NDUFAF2: variants seen among roughly 807,000 people sequenced by gnomAD.
NDUFAF2 encodes NADH dehydrogenase [ubiquinone] 1 alpha subcomplex assembly factor 2.
In NDUFAF2, 13 loss-of-function variants were observed where a neutral mutation model predicts 22.8. That is an observed-to-expected ratio of 0.57 (90% confidence interval 0.37 to 0.91). NDUFAF2 has a LOEUF of 0.91. Among genes scored for constraint, NDUFAF2 ranks in the 40% least tolerant of loss-of-function variants. The pLI, the probability that NDUFAF2 is intolerant of heterozygous loss-of-function variation, is 0.01. For missense variants in NDUFAF2, 162 were observed against 195.2 expected, an observed-to-expected ratio of 0.83 and a Z score of 1.01; for synonymous variants, 53 against 64.2, an observed-to-expected ratio of 0.83 and a Z score of 0.84.
chr5:61,121,534 T>G (rs947204786), intron 3 of NDUFAF2, among the ~76,000 whole-genome samples: 1 of 152,206 alleles, frequency 6.6e-6, no homozygotes, highest in African/African-American at 2.4e-5. Flanking sequence ...ATGTTTTGTT[T>G]GTGAAGTTGT....
At chr5:61,145,171 A>G (rs1404942498) in intron 3 of NDUFAF2, among the ~76,000 whole-genome samples, 1 of 152,226 alleles carries the variant, frequency 6.6e-6, no homozygotes. Context: ...ATTGAATGCA[A>G]CAATAATACA....
At chr5:61,139,631 G>A (rs906641474) in intron 3 of NDUFAF2, among the ~76,000 whole-genome samples, 12 of 152,170 alleles carry the variant, frequency 7.9e-5, no homozygotes, top group African/African-American at 2.7e-4. Flanking sequence ...TGTTGATAGC[G>A]ACAGGAGGCA....
intron 2 of NDUFAF2, among the ~76,000 whole-genome samples, chr5:61,085,945 T>TC (rs1230389610): frequency 6.6e-6 from 1 of 152,010 alleles, no homozygotes; most frequent in East Asian, 1.9e-4. Flanking sequence ...TGACACCTTG[T>TC]CTCTACAAAA....
At chr5:61,028,964 A>C (rs199585007) in intron 1 of NDUFAF2, among the ~76,000 whole-genome samples, 6 of 150,624 alleles carry the variant, frequency 4.0e-5, no homozygotes, top group African/African-American at 1.5e-4. Flanking sequence ...TACTCTTTGC[A>C]GTCTTGTGGC....
intron 2 of NDUFAF2, among the ~76,000 whole-genome samples, chr5:61,096,391 G>C (rs1214829420): frequency 6.6e-6 from 1 of 151,862 alleles, no homozygotes; most frequent in East Asian, 2.0e-4. Context: ...ACGAGGTCAA[G>C]AGATCGAGAC....
intron 1 of NDUFAF2, among the ~76,000 whole-genome samples, chr5:61,038,060 C>T (rs989547211): frequency 2.2e-3 from 21 of 9,638 alleles, no homozygotes; most frequent in African/African-American, 5.4e-3. Context: ...GGTGATGAGA[C>T]GGGGGGTGGG....
At chr5:60,975,902 G>A (rs912841360) in intron 1 of NDUFAF2, among the ~76,000 whole-genome samples, 4 of 152,148 alleles carry the variant, frequency 2.6e-5, no homozygotes, top group African/African-American at 9.7e-5. Context: ...CAACATGTAG[G>A]TCATTGATAA....
intron 1 of NDUFAF2, among the ~76,000 whole-genome samples, chr5:60,951,530 G>A (rs1488724953): frequency 6.6e-6 from 1 of 152,104 alleles, no homozygotes; most frequent in Non-Finnish European, 1.5e-5. Context: ...TGAATGTCTT[G>A]AATATTGCAT....
At chr5:61,046,517 G>C (rs1751956003) in intron 1 of NDUFAF2, among the ~76,000 whole-genome samples, 1 of 151,910 alleles carries the variant, frequency 6.6e-6, no homozygotes, top group Non-Finnish European at 1.5e-5. Context: ...CCATGATTTA[G>C]TCTTGGTAGG....
At chr5:61,020,971 G>A (rs981384258) in intron 1 of NDUFAF2, among the ~76,000 whole-genome samples, 2 of 150,350 alleles carry the variant, frequency 1.3e-5, no homozygotes, top group Non-Finnish European at 2.9e-5. Flanking sequence ...TGGGATTACA[G>A]GCATGAGCCA....
chr5:61,010,928 T>C (rs1751435258), intron 1 of NDUFAF2, among the ~76,000 whole-genome samples: 1 of 152,062 alleles, frequency 6.6e-6, no homozygotes, highest in Admixed American at 6.6e-5. Flanking sequence ...AGAATGTGAA[T>C]GTGCTGGCTG....
chr5:61,097,146 C>G (rs879720916), intron 2 of NDUFAF2, among the ~76,000 whole-genome samples: 13 of 152,118 alleles, frequency 8.5e-5, no homozygotes, highest in Admixed American at 7.2e-4. Flanking sequence ...GCTGTTTCCA[C>G]CCCCACAAAC....
chr5:60,948,300 A>T (rs1203548783), intron 1 of NDUFAF2, among the ~76,000 whole-genome samples: 1 of 152,136 alleles, frequency 6.6e-6, no homozygotes, highest in Non-Finnish European at 1.5e-5. Flanking sequence ...GCTTACTGCA[A>T]CCTCTGCCTC....
chr5:61,093,752 G>C (rs1752601130), intron 2 of NDUFAF2, among the ~76,000 whole-genome samples: 2 of 152,138 alleles, frequency 1.3e-5, no homozygotes, highest in South Asian at 4.1e-4. Context: ...GCCAGGTTTT[G>C]GTATCATGGT....
At chr5:60,980,699 G>T (rs1750965118) in intron 1 of NDUFAF2, among the ~76,000 whole-genome samples, 1 of 152,058 alleles carries the variant, frequency 6.6e-6, no homozygotes, top group Non-Finnish European at 1.5e-5. Flanking sequence ...CTTGAGTCTG[G>T]GAGACAGATG....
At chr5:61,080,788 C>T (rs976074170) in intron 2 of NDUFAF2, among the ~76,000 whole-genome samples, 8 of 152,038 alleles carry the variant, frequency 5.3e-5, no homozygotes, top group African/African-American at 1.9e-4. Flanking sequence ...CAGTCTATGG[C>T]TTGTCTTTTC....
rs116558787 is a variant in NDUFAF2, at chr5:61,098,972, A to C, written c.218-20A>C. On this transcript the variant is annotated intron_variant, in intron 2 of 3. Transcript: ENST00000296597. Reference sequence around the variant, plus strand: ...GTAAATTATGGGAAACTGACATTTAAATATTATTTTTCTTTCTAGCTTGGA... The same window carrying C: ...GTAAATTATGGGAAACTGACATTTACATATTATTTTTCTTTCTAGCTTGGA... 2.0e-4 allele frequency: 323 copies of C among 1,589,210 alleles called. 1 individual carries two copies. In the African/African-American group the frequency reaches 4.0e-3, roughly 20 times the overall value.
At chr5:60,975,186 T>G (rs2112575278) in intron 1 of NDUFAF2, among the ~76,000 whole-genome samples, 1 of 152,268 alleles carries the variant, frequency 6.6e-6, no homozygotes, top group African/African-American at 2.4e-5. Context: ...TTCTTTTTGG[T>G]TTTGTGTATG....
chr5:61,123,958 CT>C (rs1753005751), intron 3 of NDUFAF2, among the ~76,000 whole-genome samples: 1 of 151,990 alleles, frequency 6.6e-6, no homozygotes, highest in Non-Finnish European at 1.5e-5. Context: ...AGAAAAAAGA[CT>C]GGAAGGAAAC....
Sources: allele counts gnomAD v4.1 joint callset (sites outside exome capture counted in the v4.1 genomes callset), GRCh38; gene constraint gnomAD v4.1.1; transcripts MANE v1.5; gene names NCBI Gene and HGNC (gene_info 2026-07-23, HGNC 2026-07-21).